The following DPP10 variants were observed in gnomAD, a reference collection of about 807,000 sequenced individuals.
DPP10 encodes the protein dipeptidyl peptidase like 10, also known as inactive dipeptidyl peptidase 10.
Under a neutral mutation model 120.9 loss-of-function variants are expected in DPP10, and 33 were observed. The ratio of observed to expected loss-of-function variants is 0.27; its 90% CI spans 0.21 to 0.37. The LOEUF is 0.37. Among genes scored for constraint, DPP10 ranks in the 10% least tolerant of loss-of-function variants. The probability of loss-of-function intolerance (pLI) is 1.00; values close to 1 mark genes in which losing one functional copy is unlikely to be tolerated. For missense variants in DPP10, 816 were observed against 942.8 expected (o/e 0.87, Z 1.76); for synonymous variants, 337 against 326.1 (o/e 1.03, Z -0.36).
intron 1 of DPP10, among the ~76,000 whole-genome samples, chr2:115,020,460 T>A (rs1174660701): frequency 6.6e-6 from 1 of 152,040 alleles, no homozygotes; most frequent in Non-Finnish European, 1.5e-5. Context: ...CAGGAAAATA[T>A]CACAATTCTA....
intron 1 of DPP10, among the ~76,000 whole-genome samples, chr2:114,490,472 G>C (rs1305061895): frequency 2.6e-5 from 4 of 152,106 alleles, no homozygotes; most frequent in African/African-American, 9.7e-5. Flanking sequence ...AGCAGAGGCA[G>C]GTAAAGGGCC....
chr2:115,488,989 A>G (rs2075940342), intron 3 of DPP10, among the ~76,000 whole-genome samples: 1 of 152,140 alleles, frequency 6.6e-6, no homozygotes, highest in Non-Finnish European at 1.5e-5. Flanking sequence ...TGGAAATCCA[A>G]AAGAACAGTC....
At chr2:114,601,631 C>T (rs1247055201) in intron 1 of DPP10, among the ~76,000 whole-genome samples, 1 of 151,874 alleles carries the variant, frequency 6.6e-6, no homozygotes, top group East Asian at 1.9e-4. Flanking sequence ...TGCTGCAGGG[C>T]TGAAATAACT....
chr2:115,512,781 C>T (rs1296220921), intron 4 of DPP10, among the ~76,000 whole-genome samples: 1 of 151,764 alleles, frequency 6.6e-6, no homozygotes, highest in East Asian at 1.9e-4. Flanking sequence ...AATACTTTTC[C>T]ATTCATTGAA....
intron 1 of DPP10, among the ~76,000 whole-genome samples, chr2:114,653,023 A>AGTGTGTGTGTGTGTGTGT (rs1307967017): frequency 3.9e-5 from 4 of 102,626 alleles, no homozygotes; most frequent in African/African-American, 2.5e-4. Flanking sequence ...AGAGAGAGAG[A>AGTGTGTGTGTGTGTGTGT]GAGAGTGTGT....
intron 5 of DPP10, among the ~76,000 whole-genome samples, chr2:115,630,380 T>C (rs1575388769): frequency 6.6e-6 from 1 of 152,154 alleles, no homozygotes; most frequent in African/African-American, 2.4e-5. Flanking sequence ...CCTCTCTTCC[T>C]ACCTGAATAC....
intron 5 of DPP10, among the ~76,000 whole-genome samples, chr2:115,671,088 A>G (rs1008865929): frequency 2.6e-5 from 4 of 152,106 alleles, no homozygotes; most frequent in African/African-American, 4.8e-5. Flanking sequence ...AACTGTGTTC[A>G]TGGTTGATAT....
chr2:115,702,865 G>A (rs2091948908), intron 7 of DPP10, among the ~76,000 whole-genome samples: 1 of 152,086 alleles, frequency 6.6e-6, no homozygotes, highest in South Asian at 2.1e-4. Context: ...AAGAATAGGT[G>A]TTTTTCTAAA....
intron 1 of DPP10, among the ~76,000 whole-genome samples, chr2:114,942,320 T>TATATATATATATATATATATAC: frequency 8.1e-6 from 1 of 123,976 alleles, no homozygotes; most frequent in African/African-American, 3.1e-5. Context: ...TATATATATA[T>TATATATATATATATATATATAC]ACACACACAT....
At chr2:115,709,843 G>A (rs1319535471) in intron 7 of DPP10, among the ~76,000 whole-genome samples, 1 of 151,948 alleles carries the variant, frequency 6.6e-6, no homozygotes, top group Admixed American at 6.6e-5. Flanking sequence ...CAGAAGAAAA[G>A]GAGAGAATGG....
At chr2:114,700,096 A>G (rs1342825758) in intron 1 of DPP10, among the ~76,000 whole-genome samples, 2 of 152,080 alleles carry the variant, frequency 1.3e-5, no homozygotes, top group Admixed American at 1.3e-4. Context: ...GAACCAGCTT[A>G]ATCCTAAAGC....
At position 115,498,728 on chromosome 2, in the gene DPP10, A is replaced by G. The variant is rs369763479; in HGVS notation, c.272-782A>G. On this transcript the variant is annotated intron_variant, in intron 3 of 25. Coordinates refer to ENST00000410059, the MANE Select transcript of DPP10 (RefSeq NM_020868.6). The stretch of plus-strand genomic sequence containing the variant: ...ATTATGTATAATTATATATATATAT[A>G]TATTTATCTCCAGAGTATCCTTATA... Among the ~76,000 whole-genome samples, 5 of 136,292 alleles carry G rather than the reference A, an allele frequency of 3.7e-5. No homozygotes were observed. In the South Asian group the frequency reaches 1.2e-3, roughly 32 times the overall value. The allele number at this position is 136,292 out of a possible 152,430, so 89.4% of individuals were successfully genotyped here.
At chr2:114,845,741 C>G (rs542720249) in intron 1 of DPP10, among the ~76,000 whole-genome samples, 19 of 152,086 alleles carry the variant, frequency 1.2e-4, no homozygotes, top group Non-Finnish European at 5.9e-5. Flanking sequence ...TTAAAAATAT[C>G]GCAATCGGAA....
At chr2:114,693,527 G>A (rs1378253490) in intron 1 of DPP10, among the ~76,000 whole-genome samples, 9 of 151,584 alleles carry the variant, frequency 5.9e-5, no homozygotes, top group South Asian at 4.2e-4. Context: ...CTTTCATTTC[G>A]ATTTTGGAGA....
intron 1 of DPP10, among the ~76,000 whole-genome samples, chr2:114,602,741 G>C (rs553576816): frequency 6.6e-6 from 1 of 152,152 alleles, no homozygotes; most frequent in South Asian, 2.1e-4. Flanking sequence ...GTGTACGTGA[G>C]AATAATTTAT....
intron 3 of DPP10, among the ~76,000 whole-genome samples, chr2:115,495,962 T>C (rs1228634972): frequency 6.6e-6 from 1 of 152,160 alleles, no homozygotes; most frequent in Non-Finnish European, 1.5e-5. Flanking sequence ...TTAATGCACT[T>C]AAGTCATTGA....
chr2:115,132,285 G>T (rs1433784293), intron 1 of DPP10, among the ~76,000 whole-genome samples: 1 of 152,028 alleles, frequency 6.6e-6, no homozygotes, highest in East Asian at 1.9e-4. Context: ...ACAGAGAATA[G>T]ATGGTAAATG....
intron 1 of DPP10, among the ~76,000 whole-genome samples, chr2:115,040,736 T>C (rs1241055187): frequency 6.6e-6 from 1 of 152,002 alleles, no homozygotes; most frequent in Admixed American, 6.5e-5. Flanking sequence ...TGTTTAAAAG[T>C]GTGTAACACC....
intron 1 of DPP10, among the ~76,000 whole-genome samples, chr2:115,199,415 G>A (rs2055528750): frequency 6.6e-6 from 1 of 151,942 alleles, no homozygotes; most frequent in African/African-American, 2.4e-5. Flanking sequence ...TAAGCACTCG[G>A]CATGAAATAT....
Sources: allele counts gnomAD v4.1 joint callset (sites outside exome capture counted in the v4.1 genomes callset), GRCh38; gene constraint gnomAD v4.1.1; transcripts MANE v1.5; gene names NCBI Gene and HGNC (gene_info 2026-07-23, HGNC 2026-07-21).